Variants in MARCHF3 observed in about 807,000 individuals in gnomAD.
MARCHF3 encodes the protein membrane associated ring-CH-type finger 3.
In MARCHF3, 13 loss-of-function variants were observed where a neutral mutation model predicts 24.2. That is an observed-to-expected ratio of 0.54 (90% CI 0.35 to 0.85). The LOEUF is 0.85. Among genes scored for constraint, MARCHF3 ranks in the 40% least tolerant of loss-of-function variants. The probability of loss-of-function intolerance (pLI) is 0.01; values close to 1 mark genes in which losing one functional copy is unlikely to be tolerated. For missense variants in MARCHF3, 276 were observed against 325.0 expected, an observed-to-expected ratio of 0.85 and a Z score of 1.16; for synonymous variants, 144 against 137.3, an observed-to-expected ratio of 1.05 and a Z score of -0.34.
At chr5:126,913,201 CCCT>C (rs1328039072) in intron 3 of MARCHF3, among the ~76,000 whole-genome samples, 1 of 152,184 alleles carries the variant, frequency 6.6e-6, no homozygotes, top group Non-Finnish European at 1.5e-5. Flanking sequence ...TGCACACACA[CCCT>C]CCTTTGTTAT....
intron 1 of MARCHF3, among the ~76,000 whole-genome samples, chr5:126,967,598 CAGG>C (rs1306418158): frequency 4.6e-5 from 7 of 152,120 alleles, no homozygotes; most frequent in Admixed American, 4.6e-4. Context: ...GAGGCTGAGG[CAGG>C]AGAATTGCTT....
chr5:126,978,792 G>A (rs1357972395), intron 1 of MARCHF3, among the ~76,000 whole-genome samples: 1 of 152,168 alleles, frequency 6.6e-6, no homozygotes, highest in Non-Finnish European at 1.5e-5. Context: ...TTTATGTACT[G>A]TGTGACCAGC....
intron 1 of MARCHF3, among the ~76,000 whole-genome samples, chr5:126,993,289 A>G (rs1195596984): frequency 6.6e-6 from 1 of 152,218 alleles, no homozygotes; most frequent in South Asian, 2.1e-4. Context: ...TCCTATTTCA[A>G]CCATATGAAA....
At chr5:126,893,252 G>C (rs4404728) in intron 3 of MARCHF3, among the ~76,000 whole-genome samples, 1 of 151,026 alleles carries the variant, frequency 6.6e-6, no homozygotes, top group Non-Finnish European at 1.5e-5. Flanking sequence ...TCCTGGATTC[G>C]TTAATTTTTT....
chr5:126,964,599 T>A (rs1178160389), intron 1 of MARCHF3, among the ~76,000 whole-genome samples: 2 of 152,150 alleles, frequency 1.3e-5, no homozygotes, highest in Non-Finnish European at 2.9e-5. Context: ...GTCCAGTGAG[T>A]TTTTTTCTTG....
chr5:126,978,110 G>A (rs73786255), intron 1 of MARCHF3, among the ~76,000 whole-genome samples: 7,846 of 152,294 alleles, frequency 0.052, 373 homozygotes, highest in South Asian at 0.14. Flanking sequence ...AGTATTGTAT[G>A]TTGGGAATCT....
At position 126,975,331 on chromosome 5, in the gene MARCHF3, T is replaced by A. The variant is rs184619429; in HGVS notation, c.-57+55019A>T. ...TGTTCACATATATAGTTGAAAAAAA[T>A]TTTTTTATTAAGTTTTCTTCTCTTT... On this transcript the variant is annotated intron_variant, in intron 1 of 4. Transcript: ENST00000308660. Among the ~76,000 whole-genome samples the A allele has an allele frequency of 4.5e-3, 686 of 152,016 alleles. 3 individuals carry two copies. Among genetic ancestry groups the A allele is most frequent in the African/African-American group, 0.015 (629 of 41,530 alleles).
chr5:126,945,788 C>A (rs566677327), intron 1 of MARCHF3, among the ~76,000 whole-genome samples: 2 of 152,256 alleles, frequency 1.3e-5, no homozygotes, highest in East Asian at 1.9e-4. Context: ...CTCAGCTGAA[C>A]CTCATCTGTA....
At chr5:127,016,028 T>C (rs1344049721) in intron 1 of MARCHF3, among the ~76,000 whole-genome samples, 1 of 152,192 alleles carries the variant, frequency 6.6e-6, no homozygotes, top group Non-Finnish European at 1.5e-5. Context: ...TACTTAATAA[T>C]GGCCCTAAGA....
At chr5:126,899,231 G>C (rs768164150) in intron 3 of MARCHF3, 24 of 985,328 alleles carry the variant, frequency 2.4e-5, no homozygotes, top group Non-Finnish European at 2.9e-5. Flanking sequence ...AGACCTGACA[G>C]GGGTGTTTTC....
At chr5:126,937,106 G>T (rs1749671418) in intron 1 of MARCHF3, among the ~76,000 whole-genome samples, 1 of 152,158 alleles carries the variant, frequency 6.6e-6, no homozygotes. Flanking sequence ...AGAATAAAAT[G>T]AAGTGACAAA....
chr5:126,985,598 A>C (rs2126838996), intron 1 of MARCHF3, among the ~76,000 whole-genome samples: 1 of 151,540 alleles, frequency 6.6e-6, no homozygotes, highest in Non-Finnish European at 1.5e-5. Flanking sequence ...CCTCCCGAAT[A>C]GCTGGGACTA....
chr5:126,962,412 ATATGTGTGTGTGTG>A (rs1750667440), intron 1 of MARCHF3, among the ~76,000 whole-genome samples: 1 of 152,062 alleles, frequency 6.6e-6, no homozygotes, highest in African/African-American at 2.4e-5. Flanking sequence ...CAATAATCAT[ATATGTGTGTGTGTG>A]TATGTGTGTG....
chr5:126,878,459 C>A (rs1393595491), intron 3 of MARCHF3, 65 bp from the exon 4 acceptor site: 9 of 1,482,226 alleles, frequency 6.1e-6, no homozygotes, highest in African/African-American at 1.4e-5. Context: ...GGAGTGGAGA[C>A]ACGCTGTTCT....
At chr5:126,919,962 G>C (rs976289881) in intron 1 of MARCHF3, among the ~76,000 whole-genome samples, 1 of 152,196 alleles carries the variant, frequency 6.6e-6, no homozygotes, top group African/African-American at 2.4e-5. Context: ...TTCAAGACCA[G>C]CAATACTGAA....
At chr5:126,926,544 A>G (rs1749302258) in intron 1 of MARCHF3, among the ~76,000 whole-genome samples, 1 of 152,148 alleles carries the variant, frequency 6.6e-6, no homozygotes, top group Non-Finnish European at 1.5e-5. Flanking sequence ...ATAATACCAA[A>G]CGTCCTCAAA....
intron 3 of MARCHF3, among the ~76,000 whole-genome samples, chr5:126,888,717 G>A (rs1414934193): frequency 6.6e-6 from 1 of 152,190 alleles, no homozygotes; most frequent in Admixed American, 6.5e-5. Flanking sequence ...AAAATGCATA[G>A]TGCCAAAAGT....
intron 1 of MARCHF3, among the ~76,000 whole-genome samples, chr5:126,958,448 C>T (rs1225362035): frequency 6.6e-6 from 1 of 152,106 alleles, no homozygotes; most frequent in African/African-American, 2.4e-5. Flanking sequence ...TTACAGAGTT[C>T]AATTTTCTTA....
chr5:126,995,632 T>G (rs1751926914), intron 1 of MARCHF3, among the ~76,000 whole-genome samples: 1 of 152,254 alleles, frequency 6.6e-6, no homozygotes, highest in African/African-American at 2.4e-5. Context: ...TCCTGGGTAT[T>G]CAAAGATTTT....
Sources: gnomAD v4.1 joint callset for allele counts (sites outside exome capture counted in the v4.1 genomes callset) on GRCh38, gnomAD v4.1.1 for gene constraint, MANE v1.5 for transcripts, NCBI Gene and HGNC (gene_info 2026-07-23, HGNC 2026-07-21) for gene names.